MSTO1: variants seen among roughly 807,000 people sequenced by gnomAD.
The protein encoded by MSTO1 is misato mitochondrial distribution and morphology regulator 1.
MSTO1 carries 24 observed loss-of-function variants against 55.7 expected under a neutral mutation model. That is an observed-to-expected ratio of 0.43 (90% CI 0.31 to 0.61). The LOEUF is 0.61. Among genes scored for constraint, MSTO1 ranks in the 20% least tolerant of loss-of-function variants. MSTO1 has a pLI of 0.09. For missense variants in MSTO1, 363 were observed against 625.7 expected, an observed-to-expected ratio of 0.58 and a Z score of 4.48; for synonymous variants, 162 against 252.8, an observed-to-expected ratio of 0.64 and a Z score of 3.41.
chr1:155,572,410 C>T, the MSTO1 span, among the ~76,000 whole-genome samples: 1 of 151,994 alleles, frequency 6.6e-6, no homozygotes, highest in Non-Finnish European at 1.5e-5. Flanking sequence ...CAAATATATC[C>T]TTCTTGTTAG....
upstream of MSTO1, chr1:155,609,762 GT>G (rs1255696759): frequency 5.8e-6 from 1 of 171,466 alleles, no homozygotes. Flanking sequence ...AGCTAAGCCA[GT>G]CCACAGGTTA....
chr1:155,582,881 T>C, the MSTO1 span, among the ~76,000 whole-genome samples: 50 of 152,172 alleles, frequency 3.3e-4, no homozygotes, highest in Admixed American at 6.5e-4. Flanking sequence ...TTTTGTTTTG[T>C]TTTTTGTTTT....
At chr1:155,563,684 T>C in the MSTO1 span, 2 of 397,022 alleles carry the variant, frequency 5.0e-6, no homozygotes, top group Middle Eastern at 3.8e-4. Flanking sequence ...TTAGTCTCCC[T>C]TTTCTTCCTT....
At chr1:155,573,379 A>G in the MSTO1 span, among the ~76,000 whole-genome samples, 1 of 152,164 alleles carries the variant, frequency 6.6e-6, no homozygotes, top group African/African-American at 2.4e-5. Context: ...CCTGGGCAAC[A>G]TAATGAGATC....
At chr1:155,588,599 T>A in the MSTO1 span, among the ~76,000 whole-genome samples, 1 of 152,198 alleles carries the variant, frequency 6.6e-6, no homozygotes, top group Non-Finnish European at 1.5e-5. Flanking sequence ...TCTGTCTGAC[T>A]TCAAAGCCTG....
At chr1:155,600,559 T>C in the MSTO1 span, among the ~76,000 whole-genome samples, 1 of 152,010 alleles carries the variant, frequency 6.6e-6, no homozygotes, top group Admixed American at 6.5e-5. Context: ...TTTCTTTCTT[T>C]TTTTTTGAGA....
chr1:155,570,674 G>C, the MSTO1 span, among the ~76,000 whole-genome samples: 1 of 152,024 alleles, frequency 6.6e-6, no homozygotes, highest in East Asian at 1.9e-4. Flanking sequence ...ATATTGTTCC[G>C]TTTTCTTATT....
chr1:155,612,386 C>T (rs767519939), intron 8 of MSTO1, 32 bp from the exon 9 acceptor site: 3 of 1,589,868 alleles, frequency 1.9e-6, no homozygotes, highest in Non-Finnish European at 2.6e-6. Context: ...AGTGGGAGAG[C>T]TGCTTAATAC....
chr1:155,614,879 G>C lies in MSTO1; in HGVS notation c.*606G>C. ...CGAAAATGGTGGGAAACCTAAGAAA[G>C]GAGGAGGGCTGTATTCACTGATCCT... On this transcript the variant is annotated 3_prime_UTR_variant, in exon 14 of 14. Transcript: ENST00000245564. 8.4e-6 allele frequency: 13 copies of C among 1,550,486 alleles called. No homozygotes were observed. The Middle Eastern group carries it at 8.4e-4, about 100-fold the overall frequency.
chr1:155,568,002 C>T, the MSTO1 span, among the ~76,000 whole-genome samples: 54 of 151,718 alleles, frequency 3.6e-4, no homozygotes, highest in African/African-American at 1.3e-3. Context: ...TGCACCATTA[C>T]ACTCCTGCCT....
At chr1:155,594,129 C>T in the MSTO1 span, among the ~76,000 whole-genome samples, 2 of 152,048 alleles carry the variant, frequency 1.3e-5, no homozygotes, top group Non-Finnish European at 2.9e-5. Context: ...GGGCCAGGTG[C>T]GGTGGCTCAC....
In MSTO1 at chr1:155,610,226, G is replaced by A. The variant is rs202081056; in HGVS notation, c.-23G>A. ...CAGCGAGCGGCGCGGCTGAGGCGCG[G>A]CGGCCCCGTGGAGCAGCGCAGTATG... On this transcript the variant is annotated 5_prime_UTR_variant, in exon 1 of 14. Transcript: ENST00000245564. 5.9e-3 allele frequency: 3,580 copies of A among 609,052 alleles called. 11 individuals are homozygous for A. Among genetic ancestry groups the A allele is most frequent in the Middle Eastern group, 0.021 (48 of 2,274 alleles). 37.7% of individuals were successfully genotyped at this position (609,052 alleles called of 1,614,324 possible).
chr1:155,585,522 CAAAAA>C, the MSTO1 span, among the ~76,000 whole-genome samples: 1 of 56,910 alleles, frequency 1.8e-5, no homozygotes. Flanking sequence ...GACTCCGTCT[CAAAAA>C]AAAAAAAAAA....
chr1:155,608,367 T>TC (rs898150347), upstream of MSTO1, among the ~76,000 whole-genome samples: 9 of 152,158 alleles, frequency 5.9e-5, no homozygotes, highest in Non-Finnish European at 1.2e-4. Flanking sequence ...AGGGGGAGTC[T>TC]CACTACATTG....
upstream of MSTO1, among the ~76,000 whole-genome samples, chr1:155,609,243 A>ATATATATATATATATATATATAT (rs59756178): frequency 5.5e-5 from 3 of 54,578 alleles, no homozygotes; most frequent in South Asian, 1.1e-3. Context: ...ATATATATAT[A>ATATATATATATATATATATATAT]TTTTTTTTTT....
chr1:155,563,303 G>A, the MSTO1 span: 1 of 455,992 alleles, frequency 2.2e-6, no homozygotes, highest in Non-Finnish European at 4.4e-6. Context: ...CGGTCGCCTA[G>A]TCAGGAGAAC....
At chr1:155,576,707 G>C in the MSTO1 span, among the ~76,000 whole-genome samples, 2 of 150,384 alleles carry the variant, frequency 1.3e-5, no homozygotes, top group Non-Finnish European at 3.0e-5. Flanking sequence ...ATTTACTCCT[G>C]TATTTTCTGC....
the MSTO1 span, among the ~76,000 whole-genome samples, chr1:155,599,222 G>A: frequency 1.3e-5 from 2 of 152,112 alleles, no homozygotes; most frequent in Admixed American, 6.6e-5. Flanking sequence ...CAGATGTAGA[G>A]CAGTCTGAGC....
intron 11 of MSTO1, 61 bp from the exon 12 acceptor site, chr1:155,613,401 G>A (rs756373346): frequency 1.2e-6 from 2 of 1,607,698 alleles, no homozygotes; most frequent in Non-Finnish European, 1.7e-6. Flanking sequence ...GAGAACATAA[G>A]AATTCTGTTT....
Sources: allele counts gnomAD v4.1 joint callset (sites outside exome capture counted in the v4.1 genomes callset), GRCh38; gene constraint gnomAD v4.1.1; transcripts MANE v1.5; gene names NCBI Gene and HGNC (gene_info 2026-07-23, HGNC 2026-07-21).